WWOX: variants seen among roughly 807,000 people sequenced by gnomAD.
WWOX encodes WW domain containing oxidoreductase, also known as WW domain-containing oxidoreductase.
Under a neutral mutation model 46.2 loss-of-function variants are expected in WWOX, and 69 were observed. That is an observed-to-expected ratio of 1.49 (90% CI 1.23 to 1.82). The LOEUF (loss-of-function observed/expected upper bound fraction) is 1.82. WWOX is among the 40% of genes most tolerant of loss of function. WWOX has a pLI of 0.00. For synonymous variants in WWOX, 359 were observed against 202.6 expected, an observed-to-expected ratio of 1.77 and a Z score of -6.56; for missense variants, 919 against 542.6, an observed-to-expected ratio of 1.69 and a Z score of -6.89.
intron 8 of WWOX, among the ~76,000 whole-genome samples, chr16:78,800,738 C>G (rs772283376): frequency 5.3e-5 from 8 of 152,138 alleles, no homozygotes; most frequent in African/African-American, 9.7e-5. Flanking sequence ...TCTAAAATCC[C>G]AAATGCATTC....
At chr16:78,261,772 GTATCT>G (rs1567464539) in intron 5 of WWOX, among the ~76,000 whole-genome samples, 1,498 of 129,678 alleles carry the variant, frequency 0.012, 36 homozygotes, top group Non-Finnish European at 0.016. Context: ...ATCTATCTAT[GTATCT>G]ATCTATCTAT....
rs1597108777 is a variant in WWOX at position 78,455,011 on chromosome 16, A to G, written c.1056+22259A>G. Among the ~76,000 whole-genome samples, 3 of 152,368 alleles carry G rather than the reference A, an allele frequency of 2.0e-5. No homozygotes were observed. In the South Asian group the frequency reaches 6.2e-4, roughly 32 times the overall value. On this transcript the variant is annotated intron_variant, in intron 8 of 8. Coordinates refer to ENST00000566780, the MANE Select transcript of WWOX (RefSeq NM_016373.4). ...TACTGACTTAAGGCATAGCAAATGC[A>G]AAAATGAGCAAGGTGTTCTCTTGGC...
intron 8 of WWOX, among the ~76,000 whole-genome samples, chr16:78,884,135 A>G (rs2044401671): frequency 6.6e-6 from 1 of 151,808 alleles, no homozygotes; most frequent in African/African-American, 2.4e-5. Flanking sequence ...AGTCAGGCAT[A>G]GTGGCGTATG....
At chr16:78,958,154 C>A (rs745946229) in intron 8 of WWOX, among the ~76,000 whole-genome samples, 1 of 152,124 alleles carries the variant, frequency 6.6e-6, no homozygotes, top group Admixed American at 6.5e-5. Flanking sequence ...ATTCACACGG[C>A]GAAGGAAATT....
At chr16:79,046,310 C>G (rs1326214950) in intron 8 of WWOX, among the ~76,000 whole-genome samples, 3 of 152,162 alleles carry the variant, frequency 2.0e-5, no homozygotes, top group African/African-American at 7.2e-5. Context: ...AGCACCAGCA[C>G]ATAGTAGATG....
chr16:78,944,631 A>T (rs561150524), intron 8 of WWOX, among the ~76,000 whole-genome samples: 2 of 152,310 alleles, frequency 1.3e-5, no homozygotes, highest in South Asian at 4.1e-4. Context: ...TTTGGAATGA[A>T]TGGCGGGTCA....
intron 8 of WWOX, among the ~76,000 whole-genome samples, chr16:79,074,408 C>CTTT (rs1186773193): frequency 1.1e-4 from 7 of 63,574 alleles, no homozygotes; most frequent in Admixed American, 8.6e-4. Context: ...TGTCACTAGT[C>CTTT]CTTTTTTTTT....
intron 8 of WWOX, among the ~76,000 whole-genome samples, chr16:79,088,890 C>G (rs891818005): frequency 6.6e-6 from 1 of 152,170 alleles, no homozygotes; most frequent in African/African-American, 2.4e-5. Flanking sequence ...TATTGATCAC[C>G]TCTTTTCCAA....
At chr16:78,934,727 G>A (rs920372628) in intron 8 of WWOX, among the ~76,000 whole-genome samples, 1 of 152,082 alleles carries the variant, frequency 6.6e-6, no homozygotes, top group East Asian at 1.9e-4. Flanking sequence ...GGCCACAGCA[G>A]ATTTAAAAGG....
At chr16:78,680,611 C>G (rs182313707) in intron 8 of WWOX, among the ~76,000 whole-genome samples, 1 of 152,166 alleles carries the variant, frequency 6.6e-6, no homozygotes, top group Non-Finnish European at 1.5e-5. Flanking sequence ...CCATTTCAAG[C>G]TAAATTAAAT....
intron 7 of WWOX, among the ~76,000 whole-genome samples, chr16:78,430,509 A>G (rs1333650297): frequency 6.6e-6 from 1 of 152,154 alleles, no homozygotes; most frequent in African/African-American, 2.4e-5. Flanking sequence ...GGCATTCTTC[A>G]TTGAGCAATA....
At chr16:78,679,832 A>T (rs755025002) in intron 8 of WWOX, among the ~76,000 whole-genome samples, 10 of 152,220 alleles carry the variant, frequency 6.6e-5, no homozygotes, top group Non-Finnish European at 1.3e-4. Flanking sequence ...CTCAGAGTCA[A>T]CTGTTTTAGG....
At chr16:78,781,386 C>T (rs1186165991) in intron 8 of WWOX, among the ~76,000 whole-genome samples, 2 of 152,156 alleles carry the variant, frequency 1.3e-5, no homozygotes, top group Non-Finnish European at 2.9e-5. Context: ...CACTGGTATT[C>T]CGTCAGTCTT....
chr16:79,095,235 G>A (rs146756537), intron 8 of WWOX, among the ~76,000 whole-genome samples: 123 of 152,268 alleles, frequency 8.1e-4, no homozygotes, highest in African/African-American at 2.9e-3. Flanking sequence ...TTCTCCCTCT[G>A]GCTGTTTTAT....
chr16:78,684,966 G>C (rs1430663908), intron 8 of WWOX, among the ~76,000 whole-genome samples: 1 of 152,150 alleles, frequency 6.6e-6, no homozygotes, highest in Non-Finnish European at 1.5e-5. Context: ...ATTGCATCGT[G>C]GGCCTCTTTG....
At chr16:78,744,726 A>G (rs1364806858) in intron 8 of WWOX, among the ~76,000 whole-genome samples, 1 of 151,940 alleles carries the variant, frequency 6.6e-6, no homozygotes, top group Non-Finnish European at 1.5e-5. Flanking sequence ...GCCACTGTGT[A>G]TTTCTATTAC....
intron 8 of WWOX, among the ~76,000 whole-genome samples, chr16:79,074,095 G>A (rs576500375): frequency 6.6e-6 from 1 of 152,148 alleles, no homozygotes; most frequent in South Asian, 2.1e-4. Flanking sequence ...GGTGCTTTGT[G>A]GCCCTTTTCT....
intron 8 of WWOX, among the ~76,000 whole-genome samples, chr16:78,513,904 C>CAA (rs1414446332): frequency 1.1e-4 from 17 of 150,142 alleles, no homozygotes; most frequent in African/African-American, 4.2e-4. Flanking sequence ...TCCCCCCCCC[C>CAA]CCACTTGTAT....
At position 78,528,330 on chromosome 16, in the gene WWOX, C is replaced by T. The variant is rs116822961; in HGVS notation, c.1056+95578C>T. ...CACCCGCCCTACATGGGTATTCTAA[C>T]CCAGTCTAGTGATAGTCCAACCTCC... On this transcript the variant is annotated intron_variant, in intron 8 of 8. Coordinates refer to ENST00000566780, the MANE Select transcript of WWOX (RefSeq NM_016373.4). Among the ~76,000 whole-genome samples, 1,124 of 151,488 alleles carry T rather than the reference C, an allele frequency of 7.4e-3. 22 individuals carry two copies. The highest frequency in any genetic ancestry group is 0.025 in the African/African-American group (1,040 of 41,210).
Sources: allele counts gnomAD v4.1 joint callset (sites outside exome capture counted in the v4.1 genomes callset), GRCh38; gene constraint gnomAD v4.1.1; transcripts MANE v1.5; gene names NCBI Gene and HGNC (gene_info 2026-07-23, HGNC 2026-07-21).